The following DPP10 variants were observed in gnomAD, a reference collection of about 807,000 sequenced individuals.
The protein encoded by DPP10 is dipeptidyl peptidase like 10.
Under a neutral mutation model 120.9 loss-of-function variants are expected in DPP10, and 33 were observed. That is an observed-to-expected ratio of 0.27 (90% CI 0.21 to 0.37). The LOEUF is 0.37. Among genes scored for constraint, DPP10 ranks in the 10% least tolerant of loss-of-function variants. The pLI is 1.00. For synonymous variants in DPP10, 337 were observed against 326.1 expected, an observed-to-expected ratio of 1.03 and a Z score of -0.36; for missense variants, 816 against 942.8, an observed-to-expected ratio of 0.87 and a Z score of 1.76.
intron 1 of DPP10, among the ~76,000 whole-genome samples, chr2:115,258,162 A>T (rs1220107445): frequency 1.3e-5 from 2 of 152,244 alleles, no homozygotes; most frequent in Non-Finnish European, 2.9e-5. Context: ...GTCATGGTAC[A>T]CTGAAATAGA....
intron 1 of DPP10, among the ~76,000 whole-genome samples, chr2:114,686,057 C>T (rs534083931): frequency 1.9e-4 from 29 of 151,978 alleles, no homozygotes; most frequent in African/African-American, 6.0e-4. Flanking sequence ...CATGAGCATG[C>T]TCTTCTGACC....
intron 3 of DPP10, among the ~76,000 whole-genome samples, chr2:115,472,660 C>T (rs1204306795): frequency 3.3e-5 from 5 of 152,122 alleles, no homozygotes; most frequent in African/African-American, 1.2e-4. Flanking sequence ...TATTTGCCTA[C>T]CTGCCCCATT....
intron 1 of DPP10, among the ~76,000 whole-genome samples, chr2:114,962,703 C>T (rs1698734502): frequency 6.6e-6 from 1 of 152,132 alleles, no homozygotes; most frequent in African/African-American, 2.4e-5. Context: ...AGATATAAAT[C>T]TCTTGGCACC....
intron 1 of DPP10, among the ~76,000 whole-genome samples, chr2:114,521,048 C>G (rs1292077277): frequency 6.6e-6 from 1 of 151,934 alleles, no homozygotes; most frequent in Non-Finnish European, 1.5e-5. Context: ...AGACCTAAAA[C>G]AAGACCCATA....
chr2:114,537,299 C>T (rs895807946), intron 1 of DPP10, among the ~76,000 whole-genome samples: 2 of 151,934 alleles, frequency 1.3e-5, no homozygotes, highest in Non-Finnish European at 2.9e-5. Flanking sequence ...ATAGCAGGCA[C>T]CTAGGAAGGA....
At chr2:115,201,486 T>G (rs971012102) in intron 1 of DPP10, among the ~76,000 whole-genome samples, 3 of 151,920 alleles carry the variant, frequency 2.0e-5, no homozygotes, top group Non-Finnish European at 4.4e-5. Flanking sequence ...GTAAAATAAA[T>G]AAAAACATAG....
rs552327870 is a variant in DPP10, at chr2:115,236,898, C to A, written c.61-72341C>A. On this transcript the variant is annotated intron_variant, in intron 1 of 25. Coordinates refer to ENST00000410059, the MANE Select transcript of DPP10 (RefSeq NM_020868.6). ...CATTTCACAGTGAGTTAAGAATTTT[C>A]GGGAATGGGGCATTACATTTACGGC... Among the ~76,000 whole-genome samples, 8 of 152,200 alleles carry A rather than the reference C, an allele frequency of 5.3e-5. No individual in the cohort carries two copies. The South Asian group carries it at 1.7e-3, about 32-fold the overall frequency.
chr2:114,516,357 C>T (rs62165185), intron 1 of DPP10, among the ~76,000 whole-genome samples: 25,401 of 151,974 alleles, frequency 0.17, 2,299 homozygotes, highest in East Asian at 0.25. Context: ...TTTTCCATCC[C>T]CCTGCAAAGT....
chr2:114,574,819 G>C (rs1161019552), intron 1 of DPP10, among the ~76,000 whole-genome samples: 6 of 152,146 alleles, frequency 3.9e-5, no homozygotes, highest in Non-Finnish European at 1.5e-5. Context: ...GTTTCTCCAA[G>C]GGCTTTACTG....
chr2:114,676,817 G>A (rs1377399857), intron 1 of DPP10, among the ~76,000 whole-genome samples: 2 of 152,012 alleles, frequency 1.3e-5, no homozygotes, highest in African/African-American at 4.8e-5. Context: ...AGATCGTGTA[G>A]GATAGATTCT....
intron 3 of DPP10, among the ~76,000 whole-genome samples, chr2:115,421,869 C>CAAAAA (rs10610510): frequency 4.3e-5 from 2 of 46,884 alleles, no homozygotes; most frequent in African/African-American, 9.5e-5. Context: ...GACTCCATCT[C>CAAAAA]AAAAAAAAAA....
chr2:115,536,247 T>C (rs2078829287), intron 5 of DPP10, among the ~76,000 whole-genome samples: 1 of 151,972 alleles, frequency 6.6e-6, no homozygotes, highest in Non-Finnish European at 1.5e-5. Context: ...TTTCCACTTA[T>C]AGACAAAATT....
intron 1 of DPP10, among the ~76,000 whole-genome samples, chr2:115,091,393 T>G (rs1240264623): frequency 6.6e-6 from 1 of 152,224 alleles, no homozygotes; most frequent in Non-Finnish European, 1.5e-5. Flanking sequence ...GACATAAATA[T>G]CAGCTTTAAT....
intron 3 of DPP10, among the ~76,000 whole-genome samples, chr2:115,358,298 C>T (rs917512662): frequency 2.6e-5 from 4 of 152,184 alleles, no homozygotes; most frequent in African/African-American, 9.6e-5. Context: ...CAAAGTTTCA[C>T]ATGTCTCTAG....
chr2:114,913,866 C>T (rs1694574290), intron 1 of DPP10, among the ~76,000 whole-genome samples: 1 of 152,066 alleles, frequency 6.6e-6, no homozygotes, highest in African/African-American at 2.4e-5. Flanking sequence ...ATGAAATAGC[C>T]ATTTTAAGAA....
chr2:115,082,258 C>T (rs534769611), intron 1 of DPP10, among the ~76,000 whole-genome samples: 1 of 152,202 alleles, frequency 6.6e-6, no homozygotes, highest in East Asian at 1.9e-4. Flanking sequence ...TCCTCTGCTG[C>T]CTTTGTGAGC....
intron 1 of DPP10, among the ~76,000 whole-genome samples, chr2:115,228,494 G>A (rs771473958): frequency 6.6e-5 from 10 of 151,754 alleles, no homozygotes; most frequent in African/African-American, 9.7e-5. Context: ...AACAAAACCC[G>A]CTTCAATCCC....
intron 1 of DPP10, among the ~76,000 whole-genome samples, chr2:114,973,060 C>G (rs1007546035): frequency 6.6e-6 from 1 of 151,920 alleles, no homozygotes; most frequent in African/African-American, 2.4e-5. Context: ...TAGTCATATA[C>G]CATGTAATCA....
At chr2:115,018,113 A>T (rs754081217) in intron 1 of DPP10, among the ~76,000 whole-genome samples, 36 of 152,214 alleles carry the variant, frequency 2.4e-4, no homozygotes, top group Admixed American at 9.2e-4. Context: ...AAAAAAGCTC[A>T]TCATCACTGT....
Sources: allele counts gnomAD v4.1 joint callset (sites outside exome capture counted in the v4.1 genomes callset), GRCh38; gene constraint gnomAD v4.1.1; transcripts MANE v1.5; gene names NCBI Gene and HGNC (gene_info 2026-07-23, HGNC 2026-07-21).